Variants in MCPH1 observed in about 807,000 individuals in gnomAD.
MCPH1 encodes the protein microcephalin 1.
MCPH1 carries 104 observed loss-of-function variants against 84.5 expected under a neutral mutation model. The observed-to-expected ratio is 1.23, with a 90% CI of 1.05 to 1.45. The LOEUF (loss-of-function observed/expected upper bound fraction) is 1.45. MCPH1 is among the 40% of genes most tolerant of loss of function. The probability of loss-of-function intolerance (pLI) is 0.00; values close to 1 mark genes in which losing one functional copy is unlikely to be tolerated. For synonymous variants in MCPH1, 514 were observed against 366.8 expected (o/e 1.40, Z -4.58); for missense variants, 1,498 against 1,005.7 (o/e 1.49, Z -6.62).
chr8:6,502,390 C>T (rs535162757), intron 12 of MCPH1: 3 of 152,194 alleles, frequency 2.0e-5, no homozygotes, highest in Middle Eastern at 3.4e-3. Flanking sequence ...ACTAAAATGG[C>T]ACGTTTCTGT....
intron 12 of MCPH1, among the ~76,000 whole-genome samples, chr8:6,586,474 GC>G (rs1827990423): frequency 6.6e-6 from 1 of 152,220 alleles, no homozygotes; most frequent in Admixed American, 6.5e-5. Context: ...TGCTGATGCA[GC>G]CTCTGTACAG....
intron 12 of MCPH1, among the ~76,000 whole-genome samples, chr8:6,574,983 G>T (rs938554625): frequency 2.6e-5 from 4 of 152,222 alleles, no homozygotes; most frequent in Non-Finnish European, 5.9e-5. Flanking sequence ...TAAGAGGGAA[G>T]TCAAGAATTA....
intron 11 of MCPH1, among the ~76,000 whole-genome samples, chr8:6,498,584 T>C (rs1415517749): frequency 6.6e-6 from 1 of 152,220 alleles, no homozygotes; most frequent in Non-Finnish European, 1.5e-5. Context: ...TAAATTCAGT[T>C]GACTTTTTAA....
At chr8:6,588,903 C>G (rs766022713) in intron 12 of MCPH1, among the ~76,000 whole-genome samples, 6 of 152,196 alleles carry the variant, frequency 3.9e-5, no homozygotes, top group Non-Finnish European at 7.3e-5. Flanking sequence ...GCTTTCCATC[C>G]TTTATAGTCT....
intron 12 of MCPH1, among the ~76,000 whole-genome samples, chr8:6,611,913 C>T (rs551103758): frequency 3.3e-5 from 5 of 152,178 alleles, no homozygotes; most frequent in African/African-American, 7.2e-5. Flanking sequence ...CCACCGCGCC[C>T]GGCCTGACGT....
intron 13 of MCPH1, among the ~76,000 whole-genome samples, chr8:6,640,045 T>C (rs1029878990): frequency 8.6e-5 from 13 of 150,478 alleles, no homozygotes; most frequent in African/African-American, 3.2e-4. Flanking sequence ...GGCTGGCTTC[T>C]GCTATTTTAA....
intron 12 of MCPH1, among the ~76,000 whole-genome samples, chr8:6,607,018 G>A (rs1357696327): frequency 6.6e-6 from 1 of 152,182 alleles, no homozygotes; most frequent in Non-Finnish European, 1.5e-5. Flanking sequence ...TCAGCAGTAT[G>A]AAAACAGACT....
At chr8:6,620,691 G>T (rs541363499) in intron 12 of MCPH1, among the ~76,000 whole-genome samples, 2 of 152,332 alleles carry the variant, frequency 1.3e-5, no homozygotes, top group South Asian at 2.1e-4. Context: ...CTCGCAGGGT[G>T]TGTACACTGA....
intron 7 of MCPH1, among the ~76,000 whole-genome samples, chr8:6,443,625 G>T (rs1803832880): frequency 2.0e-5 from 3 of 152,196 alleles, no homozygotes; most frequent in African/African-American, 7.2e-5. Flanking sequence ...GCACAGTGAC[G>T]GGCAGATGCC....
chr8:6,632,240 G>T (rs1342740507), intron 13 of MCPH1, among the ~76,000 whole-genome samples: 1 of 152,180 alleles, frequency 6.6e-6, no homozygotes, highest in African/African-American at 2.4e-5. Flanking sequence ...TGGATAATGA[G>T]AACATTCTAG....
At chr8:6,544,368 A>G (rs1173437719) in intron 12 of MCPH1, among the ~76,000 whole-genome samples, 1 of 152,236 alleles carries the variant, frequency 6.6e-6, no homozygotes, top group Non-Finnish European at 1.5e-5. Context: ...CTGGAAAGAG[A>G]GACTGTGAAC....
intron 12 of MCPH1, among the ~76,000 whole-genome samples, chr8:6,588,926 T>C (rs1057415133): frequency 6.6e-6 from 1 of 152,180 alleles, no homozygotes; most frequent in South Asian, 2.1e-4. Flanking sequence ...CTGCTACTTA[T>C]AGGCCACCAG....
At chr8:6,536,234 G>C (rs1319953505) in intron 12 of MCPH1, among the ~76,000 whole-genome samples, 1 of 152,070 alleles carries the variant, frequency 6.6e-6, no homozygotes, top group African/African-American at 2.4e-5. Context: ...CCACAGTAAT[G>C]GTAGGTACTG....
At chr8:6,422,003 G>T (rs1040519044) in intron 3 of MCPH1, among the ~76,000 whole-genome samples, 4 of 152,212 alleles carry the variant, frequency 2.6e-5, no homozygotes, top group African/African-American at 9.7e-5. Context: ...TTTATCAGAA[G>T]AGCTTCCTCT....
chr8:6,410,911 G>A (rs1353226712), intron 2 of MCPH1, among the ~76,000 whole-genome samples: 10 of 152,044 alleles, frequency 6.6e-5, no homozygotes, highest in Admixed American at 6.6e-4. Flanking sequence ...CCAACATAGT[G>A]AAACCCCATC....
chr8:6,613,536 G>A (rs1162661894), intron 12 of MCPH1, among the ~76,000 whole-genome samples: 1 of 152,034 alleles, frequency 6.6e-6, no homozygotes, highest in Non-Finnish European at 1.5e-5. Flanking sequence ...CAGGGGCCTG[G>A]GGCTGCAGAC....
intron 13 of MCPH1, 133 bp from the exon 14 acceptor site, chr8:6,642,860 TG>T (rs200005280): frequency 1.4e-5 from 11 of 772,092 alleles, no homozygotes; most frequent in South Asian, 4.4e-5. Flanking sequence ...TCTATGGACG[TG>T]GGGGGGCCTA....
At chr8:6,459,051 A>C (rs1237968920) in intron 9 of MCPH1, among the ~76,000 whole-genome samples, 1 of 152,252 alleles carries the variant, frequency 6.6e-6, no homozygotes, top group African/African-American at 2.4e-5. Flanking sequence ...AGTCCACAGA[A>C]ACACTAAAAT....
At chr8:6,409,701 TG>T (rs1798269961) in intron 2 of MCPH1, among the ~76,000 whole-genome samples, 1 of 7,710 alleles carries the variant, frequency 1.3e-4, no homozygotes, top group Admixed American at 3.5e-3. Flanking sequence ...TTGGGCATAC[TG>T]AAAAATATCT....
Sources: gnomAD v4.1 joint callset for allele counts (sites outside exome capture counted in the v4.1 genomes callset) on GRCh38, gnomAD v4.1.1 for gene constraint, MANE v1.5 for transcripts, NCBI Gene and HGNC (gene_info 2026-07-23, HGNC 2026-07-21) for gene names.